Variants in CTNND2 observed in about 807,000 individuals in gnomAD.
The protein encoded by CTNND2 is catenin delta-2.
In CTNND2, 22 loss-of-function variants were observed where a neutral mutation model predicts 144.4. The observed-to-expected ratio is 0.15, with a 90% CI of 0.11 to 0.22. CTNND2 has a LOEUF of 0.22. Ranked by LOEUF, CTNND2 falls within the 10% of genes least tolerant of loss-of-function variation. The probability of loss-of-function intolerance (pLI) is 1.00; values close to 1 mark genes in which losing one functional copy is unlikely to be tolerated. For missense variants in CTNND2, 1,353 were observed against 1,618.8 expected (o/e 0.84, Z 2.82); for synonymous variants, 751 against 695.6 (o/e 1.08, Z -1.25).
At chr5:11,361,998 G>A (rs1756500743) in intron 8 of CTNND2, among the ~76,000 whole-genome samples, 1 of 152,090 alleles carries the variant, frequency 6.6e-6, no homozygotes. Flanking sequence ...AGTTGCTCGG[G>A]TGCCCTCAGC....
chr5:11,762,854 CA>C (rs1326058768), intron 1 of CTNND2, among the ~76,000 whole-genome samples: 2 of 152,192 alleles, frequency 1.3e-5, no homozygotes, highest in Non-Finnish European at 2.9e-5. Flanking sequence ...GATAATTCAC[CA>C]ACTGAATTTT....
At chr5:10,985,764 G>T (rs1057002309) in intron 20 of CTNND2, among the ~76,000 whole-genome samples, 1 of 152,160 alleles carries the variant, frequency 6.6e-6, no homozygotes, top group African/African-American at 2.4e-5. Flanking sequence ...GTAAACCCTG[G>T]AATGATGGGC....
At chr5:11,457,512 A>T (rs1275407344) in intron 3 of CTNND2, among the ~76,000 whole-genome samples, 3 of 152,182 alleles carry the variant, frequency 2.0e-5, no homozygotes, top group Admixed American at 6.6e-5. Flanking sequence ...CATTTGTTCA[A>T]TGTCACAGAG....
chr5:11,159,955 A>G (rs1580451273), intron 11 of CTNND2, among the ~76,000 whole-genome samples, 196 bp from the exon 12 acceptor site: 2 of 152,202 alleles, frequency 1.3e-5, no homozygotes, highest in African/African-American at 4.8e-5. Flanking sequence ...CTGATGAGTG[A>G]GCAGAGGAAC....
At position 11,609,707 on chromosome 5, in the gene CTNND2, T is replaced by C. The variant is rs542444915; in HGVS notation, c.175-44651A>G. Reference sequence around the variant, plus strand: ...CAAAGGAATGCCTTGTCCATGTGTCTGAGTGTGCTCCAGCCCTGGGAGGAT... The same window carrying C: ...CAAAGGAATGCCTTGTCCATGTGTCCGAGTGTGCTCCAGCCCTGGGAGGAT... On this transcript the variant is annotated intron_variant, in intron 2 of 21. Coordinates refer to ENST00000304623, the MANE Select transcript of CTNND2 (RefSeq NM_001332.4). Among the ~76,000 whole-genome samples the C allele has an allele frequency of 4.6e-5, 7 of 152,330 alleles. No individual in the cohort carries two copies. In the East Asian group the frequency reaches 1.4e-3, roughly 29 times the overall value.
intron 19 of CTNND2, among the ~76,000 whole-genome samples, chr5:10,989,900 A>G (rs1738473949): frequency 6.6e-6 from 1 of 152,172 alleles, no homozygotes; most frequent in South Asian, 2.1e-4. Flanking sequence ...AAATAAAATC[A>G]CGCCTCAATG....
At chr5:11,364,576 A>G in intron 8 of CTNND2, 120 bp downstream of exon 8, 1 of 695,022 alleles carries the variant, frequency 1.4e-6, no homozygotes, top group Non-Finnish European at 2.2e-6. Flanking sequence ...GAAGCAGGTC[A>G]CAGTGCTTGT....
intron 2 of CTNND2, among the ~76,000 whole-genome samples, chr5:11,672,463 T>C (rs1783924301): frequency 6.6e-6 from 1 of 152,196 alleles, no homozygotes; most frequent in Admixed American, 6.5e-5. Context: ...GCTCACTTTT[T>C]TTCAGAGATG....
chr5:11,112,912 G>A (rs1753151730), intron 13 of CTNND2, among the ~76,000 whole-genome samples: 1 of 152,318 alleles, frequency 6.6e-6, no homozygotes, highest in Middle Eastern at 3.4e-3. Flanking sequence ...GGAGGCCGAG[G>A]TGGGTGGATC....
intron 3 of CTNND2, among the ~76,000 whole-genome samples, chr5:11,513,958 TA>T (rs1376900083): frequency 6.6e-6 from 1 of 152,138 alleles, no homozygotes; most frequent in African/African-American, 2.4e-5. Flanking sequence ...TTTATAATTT[TA>T]AAAAATCTAA....
intron 1 of CTNND2, among the ~76,000 whole-genome samples, chr5:11,750,531 A>C (rs1419380900): frequency 2.0e-5 from 3 of 151,864 alleles, no homozygotes; most frequent in African/African-American, 7.2e-5. Context: ...ATACCTACAA[A>C]AGTTTCTGAG....
chr5:11,854,098 C>T (rs1225205563), intron 1 of CTNND2, among the ~76,000 whole-genome samples: 2 of 152,208 alleles, frequency 1.3e-5, no homozygotes, highest in Non-Finnish European at 2.9e-5. Context: ...TCCAGCCACA[C>T]CGTCCTCCTT....
At chr5:11,747,989 T>C (rs1356285245) in intron 1 of CTNND2, among the ~76,000 whole-genome samples, 2 of 152,102 alleles carry the variant, frequency 1.3e-5, no homozygotes, top group Non-Finnish European at 2.9e-5. Context: ...AGAATTGCTA[T>C]CAATGGGCAG....
At chr5:11,181,924 T>C (rs1298464762) in intron 11 of CTNND2, among the ~76,000 whole-genome samples, 1 of 142,992 alleles carries the variant, frequency 7.0e-6, no homozygotes, top group Non-Finnish European at 1.5e-5. Flanking sequence ...GTGTGGAGGC[T>C]ATGTGTGTGG....
At chr5:11,480,769 G>A (rs546835387) in intron 3 of CTNND2, among the ~76,000 whole-genome samples, 1 of 152,098 alleles carries the variant, frequency 6.6e-6, no homozygotes, top group East Asian at 1.9e-4. Flanking sequence ...TGTCTAGAAG[G>A]CAGGTAGGAA....
intron 2 of CTNND2, among the ~76,000 whole-genome samples, chr5:11,657,503 TC>T (rs1438746073): frequency 2.0e-5 from 3 of 152,106 alleles, no homozygotes; most frequent in Admixed American, 2.0e-4. Flanking sequence ...TTCATTCTTT[TC>T]TTCCTTTCTT....
chr5:11,124,478 A>G (rs1754468977), intron 12 of CTNND2, among the ~76,000 whole-genome samples: 1 of 152,176 alleles, frequency 6.6e-6, no homozygotes, highest in Non-Finnish European at 1.5e-5. Flanking sequence ...TGCTTCAAAA[A>G]CATTAAATTT....
rs567896844 is a variant in CTNND2, at chr5:11,772,535, T to C, written c.38-40263A>G. On this transcript the variant is annotated intron_variant, in intron 1 of 21. Coordinates refer to ENST00000304623, the MANE Select transcript of CTNND2 (RefSeq NM_001332.4). The stretch of plus-strand genomic sequence containing the variant: ...AGAAGTCCTAAAGCTTATATGAAAT[T>C]CTCAAACAGGTGTGTGAGCTCTTAA... 1.9e-4 allele frequency among the ~76,000 whole-genome samples: 29 copies of C among 152,342 alleles called. No individual in the cohort carries two copies. In the South Asian group the frequency reaches 2.1e-3, roughly 11 times the overall value.
chr5:11,743,518 A>G (rs1209526686), intron 1 of CTNND2, among the ~76,000 whole-genome samples: 1 of 152,214 alleles, frequency 6.6e-6, no homozygotes, highest in Admixed American at 6.5e-5. Flanking sequence ...GCTTGCAAAT[A>G]TAGAATCTGG....
Sources: gnomAD v4.1 joint callset for allele counts (sites outside exome capture counted in the v4.1 genomes callset) on GRCh38, gnomAD v4.1.1 for gene constraint, MANE v1.5 for transcripts, NCBI Gene and HGNC (gene_info 2026-07-23, HGNC 2026-07-21) for gene names.